Variants in RTN4RL1 observed in about 807,000 individuals in gnomAD.
RTN4RL1 encodes reticulon-4 receptor-like 1.
A neutral mutation model predicts 25.6 loss-of-function variants in RTN4RL1; 7 were observed. The ratio of observed to expected loss-of-function variants is 0.27; its 90% CI spans 0.16 to 0.51. The LOEUF (loss-of-function observed/expected upper bound fraction) is 0.51. Ranked by LOEUF, RTN4RL1 falls within the 20% of genes least tolerant of loss-of-function variation. The pLI, the probability that RTN4RL1 is intolerant of heterozygous loss-of-function variation, is 0.97. For missense variants in RTN4RL1, 500 were observed against 615.6 expected, an observed-to-expected ratio of 0.81 and a Z score of 1.99; for synonymous variants, 297 against 288.2, an observed-to-expected ratio of 1.03 and a Z score of -0.31.
chr17:2,024,478 G>C (rs1464246225), intron 1 of RTN4RL1, among the ~76,000 whole-genome samples: 3 of 151,902 alleles, frequency 2.0e-5, no homozygotes, highest in Non-Finnish European at 4.4e-5. Context: ...TCCACAAAGC[G>C]GCAGAAGCAA....
At chr17:2,015,233 G>C (rs902009776) in intron 1 of RTN4RL1, among the ~76,000 whole-genome samples, 3 of 152,154 alleles carry the variant, frequency 2.0e-5, no homozygotes, top group African/African-American at 7.2e-5. Context: ...TCAGCTCTTG[G>C]GCTGGGGGTG....
chr17:2,017,573 TGCCA>T (rs1464283073), intron 1 of RTN4RL1: 1 of 152,220 alleles, frequency 6.6e-6, no homozygotes, highest in Non-Finnish European at 1.5e-5. Flanking sequence ...ATGGTGTGGG[TGCCA>T]GCAGAGGCTC....
At chr17:1,991,213 AAGAT>A (rs1051463900) in intron 1 of RTN4RL1, among the ~76,000 whole-genome samples, 5 of 152,122 alleles carry the variant, frequency 3.3e-5, no homozygotes, top group Non-Finnish European at 7.4e-5. Context: ...TCAAGGCAAA[AAGAT>A]AGGTTTTAAG....
At position 1,937,031 on chromosome 17, in the gene RTN4RL1, C is replaced by T. The variant is rs1031533787; in HGVS notation, c.791G>A (p.Arg264His). ...CCTCTGCAGCCATTCCCACAGGGAG[C>T]GCGCGCGACAACCACAGTCCCAGGG... ...GNPWDCGCRARSLWEWLQRFR... is the reference protein window; with the variant it reads ...GNPWDCGCRAHSLWEWLQRFR... Residue 264 changes from arginine (R) to histidine (H), a missense_variant, in exon 2 of 2, where the codon CGC (arginine) becomes CAC (histidine). Physicochemically the swap from Arg to His is conservative, Grantham distance 29 (BLOSUM62 0). Coordinates refer to ENST00000331238, the MANE Select transcript of RTN4RL1 (RefSeq NM_178568.4). The T allele has an allele frequency of 9.4e-6, 15 of 1,603,866 alleles. No homozygotes were observed. The highest frequency in any genetic ancestry group is 2.7e-5 in the African/African-American group (2 of 74,820).
rs751319746 is a variant in RTN4RL1 at position 2,024,858 on chromosome 17, C to G, written c.8G>C (p.Arg3Pro). MLRKGCCVELLLL... is the reference protein window; with the variant it reads MLPKGCCVELLLL... ...CCCCTGCGGCTCCAACTCACCTTTG[C>G]GAAGCATGTTGGCCACGGGGCCGCC... The change falls in exon 1 of 2, where the codon CGC becomes CCC. Residue 3 changes from arginine (R) to proline (P), a missense_variant. By Grantham distance (103) the Arg-to-Pro change is moderately radical (BLOSUM62 -2). Coordinates refer to ENST00000331238, the MANE Select transcript of RTN4RL1 (RefSeq NM_178568.4). 9 of 1,584,852 alleles carry G rather than the reference C, an allele frequency of 5.7e-6. No homozygotes were observed. The African/African-American group carries it at 1.2e-4, about 21-fold the overall frequency.
intron 1 of RTN4RL1, among the ~76,000 whole-genome samples, chr17:1,978,080 G>C (rs936472229): frequency 6.6e-6 from 1 of 152,034 alleles, no homozygotes; most frequent in Non-Finnish European, 1.5e-5. Flanking sequence ...CAACCCTCCC[G>C]CGGCCCCGCC....
chr17:1,967,892 C>T (rs1343189520), intron 1 of RTN4RL1, among the ~76,000 whole-genome samples: 2 of 152,188 alleles, frequency 1.3e-5, no homozygotes, highest in Admixed American at 6.5e-5. Flanking sequence ...CCACTCGCCT[C>T]AGCCTCCCAA....
chr17:1,942,281 T>C (rs1270276818), intron 1 of RTN4RL1, among the ~76,000 whole-genome samples: 1 of 152,106 alleles, frequency 6.6e-6, no homozygotes, highest in Non-Finnish European at 1.5e-5. Context: ...TGAGGCCTCA[T>C]TCATTCCCTC....
intron 1 of RTN4RL1, among the ~76,000 whole-genome samples, chr17:2,005,475 A>G (rs1035519447): frequency 6.6e-6 from 1 of 152,222 alleles, no homozygotes; most frequent in Admixed American, 6.5e-5. Context: ...GGGCTTGGCC[A>G]CTGACCTTTG....
chr17:1,955,702 A>G (rs1470200454), intron 1 of RTN4RL1, among the ~76,000 whole-genome samples: 3 of 151,282 alleles, frequency 2.0e-5, no homozygotes. Context: ...TCCCATCTCA[A>G]CCTCCTGAGT....
At chr17:1,982,388 G>A (rs1046996955) in intron 1 of RTN4RL1, among the ~76,000 whole-genome samples, 3 of 152,054 alleles carry the variant, frequency 2.0e-5, no homozygotes, top group East Asian at 1.9e-4. Context: ...CGAGGCGGGC[G>A]GACCACGAGG....
At position 1,937,183 on chromosome 17, in the gene RTN4RL1, G is replaced by A; in HGVS notation, c.639C>T (p.His213=). The change falls in exon 2 of 2, where the codon CAC becomes CAT. Residue 213 remains histidine, a synonymous_variant. Coordinates refer to ENST00000331238, the MANE Select transcript of RTN4RL1 (RefSeq NM_178568.4). ...TGCGGAGGTCGTGGAACGCCTTGTG[G>A]TGGACCCACTGCAGCTGGTTCTCGT... ...LLHENQLQWV[H]HKAFHDLRRL... is the part of the protein sequence containing the mutation. The A allele has an allele frequency of 6.2e-7, 1 of 1,612,446 alleles. No individual in the cohort carries two copies. The highest frequency in any genetic ancestry group is 8.5e-7 in the Non-Finnish European group (1 of 1,179,690).
chr17:1,952,400 G>T (rs139201437), intron 1 of RTN4RL1, among the ~76,000 whole-genome samples: 1 of 149,526 alleles, frequency 6.7e-6, no homozygotes, highest in Non-Finnish European at 1.5e-5. Context: ...GCAGTAGTGC[G>T]ATCTCGGCTC....
At chr17:2,012,797 C>CTTT (rs5818845) in intron 1 of RTN4RL1, among the ~76,000 whole-genome samples, 1 of 146,276 alleles carries the variant, frequency 6.8e-6, no homozygotes, top group Admixed American at 6.8e-5. Context: ...TCTTCTTCTT[C>CTTT]TTTTTTTTTT....
In RTN4RL1 at chr17:1,937,654, G is replaced by A. The variant is rs775110956; in HGVS notation, c.168C>T (p.Ser56=). The change falls in exon 2 of 2, where the codon AGC becomes AGT. Residue 56 remains serine, a synonymous_variant. Coordinates refer to ENST00000331238, the MANE Select transcript of RTN4RL1 (RefSeq NM_178568.4). The stretch of plus-strand genomic sequence containing the variant: ...GGTTGTTCTGCAGGAAGACGCGCTC[G>A]CTGTCCACGGGGATGCCCTCCGGGA... ...AAIPEGIPVD[S]ERVFLQNNRI... 9 of 1,613,646 alleles carry A rather than the reference G, an allele frequency of 5.6e-6. No individual in the cohort carries two copies. Among genetic ancestry groups the A allele is most frequent in the East Asian group, 2.2e-5 (1 of 44,888 alleles).
Position 1,936,527 on chromosome 17 carries a change from C to G in RTN4RL1, c.1295G>C (p.Trp432Ser), listed in dbSNP as rs1212367492. ...ASSLGASLLA[W>S]TLGLAVTLR ...GAGAGTGACCGCCAGCCCCAGTGTCCAGGCCAGGAGGGAGGCCCCCAGGGA... is the reference window on the plus strand; with the variant it reads ...GAGAGTGACCGCCAGCCCCAGTGTCGAGGCCAGGAGGGAGGCCCCCAGGGA... The change falls in exon 2 of 2, where the codon TGG (tryptophan) becomes TCG (serine). Residue 432 changes from tryptophan (W) to serine (S), a missense_variant. Physicochemically the swap from Trp to Ser is radical, Grantham distance 177. Transcript: ENST00000331238. 6.5e-7 allele frequency: 1 copy of G among 1,550,012 alleles called. No homozygotes were observed. The highest frequency in any genetic ancestry group is 8.7e-7 in the Non-Finnish European group (1 of 1,149,478).
chr17:2,005,761 C>CTCTCTCTT (rs1325397331), intron 1 of RTN4RL1, among the ~76,000 whole-genome samples: 1 of 151,116 alleles, frequency 6.6e-6, no homozygotes, highest in Non-Finnish European at 1.5e-5. Flanking sequence ...CTCTCTCTCT[C>CTCTCTCTT]TCTCCTTCTC....
chr17:1,973,473 G>A (rs1037483668), intron 1 of RTN4RL1, among the ~76,000 whole-genome samples: 5 of 150,316 alleles, frequency 3.3e-5, no homozygotes, highest in African/African-American at 7.4e-5. Flanking sequence ...AGCCGGGATC[G>A]CGCCATTGCA....
At chr17:1,986,614 G>T (rs1237059404) in intron 1 of RTN4RL1, among the ~76,000 whole-genome samples, 1 of 152,004 alleles carries the variant, frequency 6.6e-6, no homozygotes, top group African/African-American at 2.4e-5. Flanking sequence ...AACCCCCACG[G>T]CCCCCAGAAG....
Sources: allele counts gnomAD v4.1 joint callset (sites outside exome capture counted in the v4.1 genomes callset), GRCh38; gene constraint gnomAD v4.1.1; transcripts MANE v1.5; gene names NCBI Gene and HGNC (gene_info 2026-07-23, HGNC 2026-07-21).